The following ZNF26 variants were observed in gnomAD, a reference collection of about 807,000 sequenced individuals.
The protein encoded by ZNF26 is zinc finger protein 26, also known as epididymis luminal protein 179.
In ZNF26, 32 loss-of-function variants were observed where a neutral mutation model predicts 54.9. The observed-to-expected ratio is 0.58, with a 90% confidence interval of 0.44 to 0.78. The LOEUF is 0.78. Among genes scored for constraint, ZNF26 ranks in the 30% least tolerant of loss-of-function variants. ZNF26 has a pLI of 0.00. For missense variants in ZNF26, 524 were observed against 634.0 expected (o/e 0.83, Z 1.86); for synonymous variants, 221 against 209.2 (o/e 1.06, Z -0.49).
intron 1 of ZNF26, among the ~76,000 whole-genome samples, chr12:132,990,096 C>T (rs1952914719): frequency 6.6e-6 from 1 of 151,944 alleles, no homozygotes; most frequent in Non-Finnish European, 1.5e-5. Context: ...CCAGCCTGGG[C>T]AACATAGTGA....
rs1221245264 is a variant in ZNF26 at position 133,024,355 on chromosome 12, T to G, written c.*12874T>G. The G allele has an allele frequency of 6.6e-6, 1 of 152,202 alleles. No homozygotes were observed. The highest frequency in any genetic ancestry group is 1.5e-5 in the Non-Finnish European group (1 of 68,036). 9.4% of individuals were successfully genotyped at this position (152,202 alleles called of 1,614,324 possible). On this transcript the variant is annotated 3_prime_UTR_variant, in exon 4 of 4. Coordinates refer to ENST00000328654, the MANE Select transcript of ZNF26 (RefSeq NM_019591.4). Reference sequence around the variant, plus strand: ...AAACATGGAGAAAATGAGACTTTTTTATGTAGTGACAGGTGTATCAACACT... The same window carrying G: ...AAACATGGAGAAAATGAGACTTTTTGATGTAGTGACAGGTGTATCAACACT...
At position 133,023,998 on chromosome 12, in the gene ZNF26, T is replaced by C. The variant is rs1309587328; in HGVS notation, c.*12517T>C. ...GCCTTTCTGGCTCCATGAGAAATTCTGACCCAGAACGGCTCAGTCAGACCT... is the reference window on the plus strand; with the variant it reads ...GCCTTTCTGGCTCCATGAGAAATTCCGACCCAGAACGGCTCAGTCAGACCT... On this transcript the variant is annotated 3_prime_UTR_variant, in exon 4 of 4. Coordinates refer to ENST00000328654, the MANE Select transcript of ZNF26 (RefSeq NM_019591.4). 6.6e-6 allele frequency: 1 copy of C among 152,258 alleles called. No homozygotes were observed. Among genetic ancestry groups the C allele is most frequent in the Admixed American group, 6.5e-5 (1 of 15,280 alleles). 9.4% of individuals were successfully genotyped at this position (152,258 alleles called of 1,614,324 possible). A position where few individuals can be genotyped will look rare whatever the true frequency, so the allele number is the denominator to read the frequency against.
At chr12:132,993,969 C>T (rs1953019921) in intron 1 of ZNF26, among the ~76,000 whole-genome samples, 1 of 152,138 alleles carries the variant, frequency 6.6e-6, no homozygotes, top group Non-Finnish European at 1.5e-5. Flanking sequence ...ATTTCCCAGG[C>T]CACCCCCACC....
chr12:133,000,913 A>G (rs1212351459), intron 1 of ZNF26, among the ~76,000 whole-genome samples: 3 of 152,094 alleles, frequency 2.0e-5, no homozygotes, highest in African/African-American at 7.2e-5. Flanking sequence ...AATAAAATAG[A>G]CAATAAGCCT....
At chr12:133,006,937 G>A in intron 1 of ZNF26, 105 bp from the exon 2 acceptor site, 1 of 1,353,826 alleles carries the variant, frequency 7.4e-7, no homozygotes, top group Non-Finnish European at 1.0e-6. Flanking sequence ...CCAGCCACAG[G>A]AAATAGTTGG....
At chr12:133,009,189 C>T (rs1250278172) in intron 3 of ZNF26, among the ~76,000 whole-genome samples, 1 of 152,208 alleles carries the variant, frequency 6.6e-6, no homozygotes, top group African/African-American at 2.4e-5. Flanking sequence ...ATTATTATCT[C>T]ATTCTGGACT....
At position 133,010,650 on chromosome 12, in the gene ZNF26, C is replaced by T; in HGVS notation, c.771C>T (p.Pro257=). The part of the protein sequence containing the change: ...VHQEIHTGGK[P]YGCSECGKAY... ...AGGAAATTCACACAGGAGGGAAACC[C>T]TATGGCTGCAGTGAATGTGGGAAAG... The change falls in exon 4 of 4, where the codon CCC becomes CCT. Residue 257 remains proline (P), a synonymous_variant. Coordinates refer to ENST00000328654, the MANE Select transcript of ZNF26 (RefSeq NM_019591.4). 1 of 1,614,108 alleles carries T rather than the reference C, an allele frequency of 6.2e-7. No individual in the cohort carries two copies. Among genetic ancestry groups the T allele is most frequent in the Non-Finnish European group, 8.5e-7 (1 of 1,180,020 alleles).
chr12:133,009,404 CCAA>C (rs1953418712), intron 3 of ZNF26, among the ~76,000 whole-genome samples: 1 of 152,022 alleles, frequency 6.6e-6, no homozygotes, highest in Non-Finnish European at 1.5e-5. Context: ...ACCAGCCTGG[CCAA>C]CAAGTGAAAC....
intron 3 of ZNF26, among the ~76,000 whole-genome samples, chr12:133,008,030 A>AT (rs1953371477): frequency 6.6e-6 from 1 of 151,702 alleles, no homozygotes; most frequent in Non-Finnish European, 1.5e-5. Flanking sequence ...CCAGAGGGGT[A>AT]TTTTTTCCCA....
At chr12:133,009,332 C>T (rs61953676) in intron 3 of ZNF26, among the ~76,000 whole-genome samples, 30,725 of 152,168 alleles carry the variant, frequency 0.2, 3,946 homozygotes, top group Non-Finnish European at 0.29. Context: ...GTGGCTCACA[C>T]CTGTAATCCC....
Position 133,011,406 on chromosome 12 carries a change from A to T in ZNF26, c.1527A>T (p.Pro509=). The part of the protein sequence containing the change: ...EHQRVHTGEK[P]WKCSECGKSF... ...AGAGAGTTCACACCGGAGAGAAACC[A>T]TGGAAATGCTCTGAATGTGGGAAAT... Residue 509 remains proline, a synonymous_variant, in exon 4 of 4, where the codon CCA becomes CCT. Transcript: ENST00000328654. 1 of 1,604,630 alleles carries T rather than the reference A, an allele frequency of 6.2e-7. No homozygotes were observed. The highest frequency in any genetic ancestry group is 8.5e-7 in the Non-Finnish European group (1 of 1,176,096).
chr12:133,005,993 T>C, intron 1 of ZNF26: 1 of 721,648 alleles, frequency 1.4e-6, no homozygotes, highest in South Asian at 6.2e-5. Flanking sequence ...TGTGTGATGC[T>C]TGCTTCTGGT....
chr12:133,006,084 A>G, intron 1 of ZNF26: 1 of 985,086 alleles, frequency 1.0e-6, no homozygotes, highest in Non-Finnish European at 1.2e-6. Context: ...TTGGGCATAT[A>G]CAGAAACTCC....
chr12:132,988,086 G>T (rs1225027417), intron 1 of ZNF26, among the ~76,000 whole-genome samples: 1 of 152,178 alleles, frequency 6.6e-6, no homozygotes, highest in Non-Finnish European at 1.5e-5. Flanking sequence ...TCGGCTCACT[G>T]CAACCTCTGC....
At position 133,024,442 on chromosome 12, in the gene ZNF26, GTT is replaced by G. The variant is rs1953677264; in HGVS notation, c.*12964_*12965del. ...CATGACCTCAGTGATAGAGCTAAGTGTTTTCTAGACCCAGTGTTCAGGATGCT... is the reference window on the plus strand; with the variant it reads ...CATGACCTCAGTGATAGAGCTAAGTGTTCTAGACCCAGTGTTCAGGATGCT... On this transcript the variant is annotated 3_prime_UTR_variant, in exon 4 of 4. Transcript: ENST00000328654. 6.6e-6 allele frequency: 1 copy of G among 152,158 alleles called. No homozygotes were observed. Among genetic ancestry groups the G allele is most frequent in the African/African-American group, 2.4e-5 (1 of 41,422 alleles). The allele number at this position is 152,158 out of a possible 1,614,324, so 9.4% of individuals were successfully genotyped here. A position where few individuals can be genotyped will look rare whatever the true frequency, so the allele number is the denominator to read the frequency against.
chr12:133,020,360 AAG>A lies in ZNF26; in HGVS notation c.*8882_*8883del, dbSNP rs1953623717. 2.0e-5 allele frequency: 3 copies of A among 152,156 alleles called. No individual in the cohort carries two copies. Among genetic ancestry groups the A allele is most frequent in the African/African-American group, 7.2e-5 (3 of 41,422 alleles). 9.4% of individuals were successfully genotyped at this position (152,156 alleles called of 1,614,324 possible). A position where few individuals can be genotyped will look rare whatever the true frequency, so the allele number is the denominator to read the frequency against. ...TTGATGGTGGTTACCAGAAGCTGGG[AAG>A]AGGGGGAAGGATGAAGGGGAAAAAT... is the stretch of plus-strand genomic sequence containing the variant. On this transcript the variant is annotated 3_prime_UTR_variant, in exon 4 of 4. Coordinates refer to ENST00000328654, the MANE Select transcript of ZNF26 (RefSeq NM_019591.4).
chr12:133,006,049 C>A lies in ZNF26; in HGVS notation c.34-993C>A, dbSNP rs923300052. 13 of 982,240 alleles carry A rather than the reference C, an allele frequency of 1.3e-5. No individual in the cohort carries two copies. The East Asian group carries it at 1.1e-3, about 86-fold the overall frequency. 60.8% of individuals were successfully genotyped at this position (982,240 alleles called of 1,614,324 possible). On this transcript the variant is annotated intron_variant, in intron 1 of 3. Transcript: ENST00000328654. ...TCCATCTATTTTTTTTTCTTTCTTT[C>A]ATAATAGATTTGCCAGTTTTTCAGT...
rs923087927 is a variant in ZNF26, at chr12:132,989,070, G to A, written c.33+2197G>A. Among the ~76,000 whole-genome samples, 824 of 112,684 alleles carry A rather than the reference G, an allele frequency of 7.3e-3. 12 individuals carry two copies. Among genetic ancestry groups the A allele is most frequent in the African/African-American group, 0.026 (778 of 29,590 alleles). 73.9% of individuals were successfully genotyped at this position (112,684 alleles called of 152,430 possible). ...TTTTTTTTTTTTGAGACAGAGTCTCGCTGTTGGCCAGGCTGGAGTGCAGTG... is the reference window on the plus strand; with the variant it reads ...TTTTTTTTTTTTGAGACAGAGTCTCACTGTTGGCCAGGCTGGAGTGCAGTG... On this transcript the variant is annotated intron_variant, in intron 1 of 3. Transcript: ENST00000328654.
intron 1 of ZNF26, among the ~76,000 whole-genome samples, chr12:132,999,637 T>C (rs1291370735): frequency 3.9e-5 from 6 of 152,156 alleles, no homozygotes; most frequent in Admixed American, 3.9e-4. Flanking sequence ...AAACACTTTA[T>C]TGTGTCAAGG....
Sources: gnomAD v4.1 joint callset for allele counts (sites outside exome capture counted in the v4.1 genomes callset) on GRCh38, gnomAD v4.1.1 for gene constraint, MANE v1.5 for transcripts, NCBI Gene and HGNC (gene_info 2026-07-23, HGNC 2026-07-21) for gene names.